The following SLC20A1 variants were observed in gnomAD, a reference collection of about 807,000 sequenced individuals.
SLC20A1 encodes sodium-dependent phosphate transporter 1.
Under a neutral mutation model 62.7 loss-of-function variants are expected in SLC20A1, and 28 were observed. The observed-to-expected ratio is 0.45, with a 90% confidence interval of 0.33 to 0.61. The LOEUF (loss-of-function observed/expected upper bound fraction) is 0.61, where lower values mean the gene tolerates loss of function less well. Among genes scored for constraint, SLC20A1 ranks in the 20% least tolerant of loss-of-function variants. SLC20A1 has a pLI of 0.02. For synonymous variants in SLC20A1, 305 were observed against 302.9 expected, an observed-to-expected ratio of 1.01 and a Z score of -0.07; for missense variants, 673 against 838.6, an observed-to-expected ratio of 0.80 and a Z score of 2.44.
Position 112,659,595 on chromosome 2 carries a change from A to C in SLC20A1, c.1440A>C (p.Ile480=). 6.2e-7 allele frequency: 1 copy of C among 1,614,236 alleles called. No homozygotes were observed. The highest frequency in any genetic ancestry group is 1.1e-5 in the South Asian group (1 of 91,082). The change falls in exon 8 of 11, where the codon ATA becomes ATC. Residue 480 remains isoleucine (I), a synonymous_variant. Coordinates refer to ENST00000272542, the MANE Select transcript of SLC20A1 (RefSeq NM_005415.5). ...CTGACCTTCACTCAGCATCTGAGATAGACATGAGTGTCAAGGCAGAGATGG... is the reference window on the plus strand; with the variant it reads ...CTGACCTTCACTCAGCATCTGAGATCGACATGAGTGTCAAGGCAGAGATGG... ...AVSDLHSASE[I]DMSVKAEMGL... is the part of the protein sequence containing the mutation.
At chr2:112,647,805 AC>A in intron 4 of SLC20A1, 67 bp downstream of exon 4, 1 of 1,276,852 alleles carries the variant, frequency 7.8e-7, no homozygotes, top group Non-Finnish European at 1.1e-6. Flanking sequence ...ACCCAGTGGT[AC>A]TTTTGCAGAT....
rs149413483 is a variant in SLC20A1, at chr2:112,659,975, A to G, written c.1607+213A>G. Among the ~76,000 whole-genome samples, 1,374 of 152,354 alleles carry G rather than the reference A, an allele frequency of 9.0e-3. 20 individuals carry two copies. The highest frequency in any genetic ancestry group is 0.031 in the African/African-American group (1,281 of 41,582). ...GAATGTTTATTTTTGTAGATGATAA[A>G]TATAAACAGATACTCTTCACAGAGA... On this transcript the variant is annotated intron_variant, in intron 8 of 10. Transcript: ENST00000272542.
chr2:112,661,038 G>T (rs1686735513), intron 9 of SLC20A1, 104 bp from the exon 10 acceptor site: 1 of 765,876 alleles, frequency 1.3e-6, no homozygotes, highest in South Asian at 1.7e-5. Flanking sequence ...TGGAGGTTTT[G>T]TGACTGAGTA....
At chr2:112,652,980 CAA>C (rs1175561780) in intron 5 of SLC20A1, 182 bp downstream of exon 5, 5 of 1,482,076 alleles carry the variant, frequency 3.4e-6, no homozygotes, top group East Asian at 2.5e-5. Flanking sequence ...GTTTTTCAAC[CAA>C]AGAGACCTGC....
Position 112,663,068 on chromosome 2 carries a change from T to C in SLC20A1, c.*43T>C. On this transcript the variant is annotated 3_prime_UTR_variant, in exon 11 of 11. Transcript: ENST00000272542. ...ATTTGTGTCAATGTTTGGGACCATC[T>C]TAGGTATTCCTGCTCCCCTGAAGAA... 1 of 1,603,056 alleles carries C rather than the reference T, an allele frequency of 6.2e-7. No homozygotes were observed. Among genetic ancestry groups the C allele is most frequent in the Non-Finnish European group, 8.5e-7 (1 of 1,170,222 alleles).
chr2:112,654,345 A>G (rs762332395), intron 5 of SLC20A1, among the ~76,000 whole-genome samples: 1 of 152,164 alleles, frequency 6.6e-6, no homozygotes, highest in Non-Finnish European at 1.5e-5. Flanking sequence ...TGCTCTTAAC[A>G]CTCATTCTTT....
intron 6 of SLC20A1, among the ~76,000 whole-genome samples, 173 bp downstream of exon 6, chr2:112,657,414 C>T (rs1686620950): frequency 6.6e-6 from 1 of 152,068 alleles, no homozygotes; most frequent in South Asian, 2.1e-4. Flanking sequence ...CTTACATGAC[C>T]TAAGACCTGT....
At chr2:112,650,294 A>T (rs971444961) in intron 4 of SLC20A1, among the ~76,000 whole-genome samples, 1 of 149,176 alleles carries the variant, frequency 6.7e-6, no homozygotes, top group African/African-American at 2.5e-5. Context: ...AACCCAGGAA[A>T]TTTTTGGGGG....
chr2:112,649,351 G>C (rs1478862005), intron 4 of SLC20A1, among the ~76,000 whole-genome samples: 2 of 152,160 alleles, frequency 1.3e-5, no homozygotes, highest in Non-Finnish European at 2.9e-5. Flanking sequence ...CTCTGTGCAC[G>C]TGCACACACA....
Position 112,647,005 on chromosome 2 carries a change from G to C in SLC20A1, c.177G>C (p.Leu59=). Residue 59 remains leucine, a synonymous_variant, in exon 2 of 11, where the codon CTG becomes CTC. Coordinates refer to ENST00000272542, the MANE Select transcript of SLC20A1 (RefSeq NM_005415.5). ...GTAVGSGVVT[L]KQACILASIF... ...CTGTGGGCTCAGGTGTAGTGACCCT[G>C]AAGCAAGCCTGCATCCTAGCTAGCA... 1 of 1,614,146 alleles carries C rather than the reference G, an allele frequency of 6.2e-7. No individual in the cohort carries two copies. The highest frequency in any genetic ancestry group is 8.5e-7 in the Non-Finnish European group (1 of 1,180,046).
chr2:112,662,261 A>C (rs1037966540), intron 10 of SLC20A1, among the ~76,000 whole-genome samples: 2 of 152,174 alleles, frequency 1.3e-5, no homozygotes, highest in African/African-American at 4.8e-5. Context: ...TAATCTTAGG[A>C]AGACTTACAA....
intron 5 of SLC20A1, chr2:112,653,371 T>G (rs1210584003): frequency 5.9e-6 from 1 of 170,302 alleles, no homozygotes; most frequent in Non-Finnish European, 1.3e-5. Flanking sequence ...CTTTCATGTT[T>G]GGGACTAAGG....
intron 5 of SLC20A1, among the ~76,000 whole-genome samples, chr2:112,653,795 T>A (rs1574184048): frequency 6.6e-6 from 1 of 152,118 alleles, no homozygotes; most frequent in Non-Finnish European, 1.5e-5. Context: ...ATATTTTTAT[T>A]ATTTATTTAT....
rs982943873 is a variant in SLC20A1 at position 112,663,065 on chromosome 2, A to G, written c.*40A>G. ...AAAATTTGTGTCAATGTTTGGGACC[A>G]TCTTAGGTATTCCTGCTCCCCTGAA... is the stretch of plus-strand genomic sequence containing the variant. On this transcript the variant is annotated 3_prime_UTR_variant, in exon 11 of 11. Coordinates refer to ENST00000272542, the MANE Select transcript of SLC20A1 (RefSeq NM_005415.5). 1.2e-6 allele frequency: 2 copies of G among 1,604,426 alleles called. No homozygotes were observed. Among genetic ancestry groups the G allele is most frequent in the Admixed American group, 3.3e-5 (2 of 59,942 alleles).
At chr2:112,661,044 G>A in intron 9 of SLC20A1, 98 bp from the exon 10 acceptor site, 1 of 826,212 alleles carries the variant, frequency 1.2e-6, no homozygotes, top group Non-Finnish European at 2.1e-6. Flanking sequence ...TTTTGTGACT[G>A]AGTAGAACAA....
intron 5 of SLC20A1, among the ~76,000 whole-genome samples, chr2:112,656,707 A>G (rs185994371): frequency 3.5e-3 from 523 of 150,156 alleles, no homozygotes; most frequent in Middle Eastern, 0.031. Context: ...TTCTGTTAAC[A>G]TTAAAATAAG....
intron 5 of SLC20A1, among the ~76,000 whole-genome samples, chr2:112,655,526 T>G (rs1230321985): frequency 2.1e-4 from 2 of 9,574 alleles, no homozygotes; most frequent in South Asian, 9.3e-3. Flanking sequence ...TTTATGGGTT[T>G]TTTTTTTTTT....
chr2:112,650,445 G>T (rs1244576262), intron 4 of SLC20A1, among the ~76,000 whole-genome samples: 1 of 151,148 alleles, frequency 6.6e-6, no homozygotes, highest in African/African-American at 2.4e-5. Context: ...CAATTCTCCT[G>T]CCTCAGCCTC....
rs1343553210 is a variant in SLC20A1 at position 112,646,847 on chromosome 2, A to G, written c.19A>G (p.Ser7Gly). 1.9e-6 allele frequency: 3 copies of G among 1,609,060 alleles called. No homozygotes were observed. The Admixed American group carries it at 5.0e-5, about 27-fold the overall frequency. Residue 7 changes from serine (S) to glycine (G), a missense_variant, in exon 2 of 11, where the codon AGT (serine) becomes GGT (glycine). Ser to Gly is a moderately conservative substitution (Grantham distance 56, BLOSUM62 0). Coordinates refer to ENST00000272542, the MANE Select transcript of SLC20A1 (RefSeq NM_005415.5). Reference sequence around the variant, plus strand: ...CCAGAGAATGGCAACGCTGATTACCAGTACTACAGCTGCTACCGCCGCTTC... The same window carrying G: ...CCAGAGAATGGCAACGCTGATTACCGGTACTACAGCTGCTACCGCCGCTTC... MATLIT[S>G]TTAATAASGP...
Sources: allele counts gnomAD v4.1 joint callset (sites outside exome capture counted in the v4.1 genomes callset), GRCh38; gene constraint gnomAD v4.1.1; transcripts MANE v1.5; gene names NCBI Gene and HGNC (gene_info 2026-07-23, HGNC 2026-07-21).